The following TFCP2 variants were observed in gnomAD, a reference collection of about 807,000 sequenced individuals.
TFCP2 encodes transcription factor CP2.
A neutral mutation model predicts 73.4 loss-of-function variants in TFCP2; 33 were observed. The observed-to-expected ratio is 0.45, with a 90% CI of 0.34 to 0.60. The LOEUF is 0.60. Ranked by LOEUF, TFCP2 falls within the 20% of genes least tolerant of loss-of-function variation. The pLI, the probability that TFCP2 is intolerant of heterozygous loss-of-function variation, is 0.01. For synonymous variants in TFCP2, 193 were observed against 211.6 expected (o/e 0.91, Z 0.76); for missense variants, 352 against 604.0 (o/e 0.58, Z 4.37).
intron 1 of TFCP2, among the ~76,000 whole-genome samples, chr12:51,150,980 G>C (rs1055588090): frequency 4.6e-5 from 7 of 152,066 alleles, no homozygotes; most frequent in Admixed American, 3.3e-4. Flanking sequence ...TAAAGCAGAG[G>C]GGGTAAAGAA....
chr12:51,117,991 TAA>T (rs1940572292), intron 2 of TFCP2, among the ~76,000 whole-genome samples: 1 of 152,174 alleles, frequency 6.6e-6, no homozygotes, highest in Non-Finnish European at 1.5e-5. Context: ...AATTGAAACT[TAA>T]AAGAGTTTTA....
chr12:51,161,679 C>A (rs1314040452), intron 1 of TFCP2, among the ~76,000 whole-genome samples: 4 of 127,792 alleles, frequency 3.1e-5, no homozygotes, highest in African/African-American at 6.2e-5. Context: ...GACTCTGTCT[C>A]AAAAAAAATA....
At chr12:51,114,835 G>A (rs986341761) in intron 4 of TFCP2, among the ~76,000 whole-genome samples, 14 of 151,468 alleles carry the variant, frequency 9.2e-5, no homozygotes, top group Admixed American at 5.9e-4. Flanking sequence ...AGGCCGAGGC[G>A]GGCAGATCAA....
In TFCP2 at chr12:51,172,393, G is replaced by C. The variant is rs988012209; in HGVS notation, c.30C>G (p.Ala10=). The C allele has an allele frequency of 2.5e-6, 4 of 1,613,928 alleles. No individual in the cohort carries two copies. Among genetic ancestry groups the C allele is most frequent in the South Asian group, 1.1e-5 (1 of 91,078 alleles). Residue 10 remains alanine, a synonymous_variant, in exon 1 of 15, where the codon GCC becomes GCG. Transcript: ENST00000257915. ...CCAACCCGGATTCAATCACTTCGTC[G>C]GCCAGAGGCAGCTTCAGAGCCCAGG... is the stretch of plus-strand genomic sequence containing the variant. MAWALKLPL[A]DEVIESGLVQ... is the part of the protein sequence containing the mutation.
At position 51,100,625 on chromosome 12, in the gene TFCP2, G is replaced by C. The variant is rs549920514; in HGVS notation, c.1152-846C>G. On this transcript the variant is annotated intron_variant, in intron 11 of 14. Transcript: ENST00000257915. The stretch of plus-strand genomic sequence containing the variant: ...GAGCTCAGGAGTTTGAGACCAGCCA[G>C]GGGAACACGGCAAAACCCCGCCTCT... Among the ~76,000 whole-genome samples the C allele has an allele frequency of 2.8e-3, 423 of 152,220 alleles. 1 individual carries two copies. Among genetic ancestry groups the C allele is most frequent in the African/African-American group, 9.5e-3 (394 of 41,530 alleles).
At chr12:51,148,518 G>A (rs970794181) in intron 1 of TFCP2, among the ~76,000 whole-genome samples, 13 of 151,634 alleles carry the variant, frequency 8.6e-5, no homozygotes, top group African/African-American at 2.9e-4. Flanking sequence ...TAGCCAATAT[G>A]GTGAAACTCC....
intron 1 of TFCP2, among the ~76,000 whole-genome samples, chr12:51,149,651 G>A (rs1222945377): frequency 6.6e-6 from 1 of 152,104 alleles, no homozygotes; most frequent in East Asian, 1.9e-4. Flanking sequence ...CCAGGCCAGA[G>A]TGCAGTGGCA....
chr12:51,097,743 G>A lies in TFCP2; in HGVS notation c.1419+1033C>T, dbSNP rs118152885. Among the ~76,000 whole-genome samples the A allele has an allele frequency of 1.6e-3, 248 of 152,114 alleles. 9 individuals are homozygous for A. In the East Asian group the frequency reaches 0.044, roughly 27 times the overall value. ...ATATGTTATGGTAAGATGGCCAGGCGTGGTGGTTCACATCTGTAATCCCAG... is the reference window on the plus strand; with the variant it reads ...ATATGTTATGGTAAGATGGCCAGGCATGGTGGTTCACATCTGTAATCCCAG... On this transcript the variant is annotated intron_variant, in intron 13 of 14. Coordinates refer to ENST00000257915, the MANE Select transcript of TFCP2 (RefSeq NM_005653.5).
Position 51,099,778 on chromosome 12 carries a change from T to C in TFCP2, c.1153A>G (p.Met385Val). The stretch of plus-strand genomic sequence containing the variant: ...TAAATGGTTAACCTTGGACGCACCA[T>C]CCTAAGGGGAGGAAAAAGGCTAATT... Reference protein sequence around the residue: ...IRLFNALKGRMVRPRLTIYVC... With the variant: ...IRLFNALKGRVVRPRLTIYVC... The change falls in exon 12 of 15, where the codon ATG (methionine) becomes GTG (valine). Residue 385 changes from methionine (M) to valine (V), a missense_variant and splice_region_variant. Physicochemically the swap from Met to Val is conservative, Grantham distance 21. This residue lies in a region of TFCP2 where 194 missense variants were observed against 256.3 expected (regional missense o/e 0.76). Transcript: ENST00000257915. 3 of 1,613,558 alleles carry C rather than the reference T, an allele frequency of 1.9e-6. No individual in the cohort carries two copies. Among genetic ancestry groups the C allele is most frequent in the Non-Finnish European group, 2.5e-6 (3 of 1,179,620 alleles).
At position 51,097,898 on chromosome 12, in the gene TFCP2, A is replaced by C. The variant is rs554793555; in HGVS notation, c.1419+878T>G. Among the ~76,000 whole-genome samples the C allele has an allele frequency of 2.0e-5, 3 of 151,776 alleles. No homozygotes were observed. The East Asian group carries it at 5.9e-4, about 30-fold the overall frequency. On this transcript the variant is annotated intron_variant, in intron 13 of 14. Transcript: ENST00000257915. Reference sequence around the variant, plus strand: ...AGGCATGGTGGTGGGTGCCTGTAATACCAGCTACTTGGGAGGCTGAGGCAG... The same window carrying C: ...AGGCATGGTGGTGGGTGCCTGTAATCCCAGCTACTTGGGAGGCTGAGGCAG...
At chr12:51,120,254 G>C (rs910462162) in intron 1 of TFCP2, among the ~76,000 whole-genome samples, 1 of 150,390 alleles carries the variant, frequency 6.6e-6, no homozygotes, top group Non-Finnish European at 1.5e-5. Flanking sequence ...AAATGTTCAT[G>C]AGTAAGAGAA....
intron 1 of TFCP2, among the ~76,000 whole-genome samples, chr12:51,145,056 C>T (rs576450238): frequency 1.3e-5 from 2 of 152,156 alleles, no homozygotes; most frequent in South Asian, 2.1e-4. Flanking sequence ...CAAAAATTAG[C>T]TGGGCATGGT....
chr12:51,123,410 A>G (rs1306690658), intron 1 of TFCP2, among the ~76,000 whole-genome samples: 1 of 152,216 alleles, frequency 6.6e-6, no homozygotes, highest in African/African-American at 2.4e-5. Context: ...TTATACCAAA[A>G]CAAAAACAAG....
At chr12:51,102,521 T>C (rs1419866444) in intron 10 of TFCP2, among the ~76,000 whole-genome samples, 3 of 151,846 alleles carry the variant, frequency 2.0e-5, no homozygotes, top group Admixed American at 6.6e-5. Flanking sequence ...AGGTCAGGAG[T>C]TCGAGACCAG....
intron 4 of TFCP2, among the ~76,000 whole-genome samples, chr12:51,114,785 C>T (rs1221639591): frequency 6.6e-6 from 1 of 151,636 alleles, no homozygotes; most frequent in African/African-American, 2.4e-5. Flanking sequence ...AGCAACAGGC[C>T]AGGTGTGGTG....
At position 51,095,283 on chromosome 12, in the gene TFCP2, TA is replaced by T. The variant is rs766328281; in HGVS notation, c.1472-6del. The stretch of plus-strand genomic sequence containing the variant: ...GATAGCTATCATTGGTTTCTGCTGT[TA>T]AAAAAAAGAGAGAGAGAGAATCATC... On this transcript the variant is annotated splice_region_variant and splice_polypyrimidine_tract_variant and intron_variant, in intron 14 of 14. Coordinates refer to ENST00000257915, the MANE Select transcript of TFCP2 (RefSeq NM_005653.5). 3.1e-5 allele frequency: 50 copies of T among 1,612,564 alleles called. No individual in the cohort carries two copies. The East Asian group carries it at 6.7e-4, about 22-fold the overall frequency.
intron 1 of TFCP2, among the ~76,000 whole-genome samples, chr12:51,150,741 C>A (rs558899121): frequency 7.2e-5 from 11 of 152,302 alleles, no homozygotes; most frequent in African/African-American, 2.6e-4. Context: ...AGACTTAGGT[C>A]TCAATGAAGA....
At chr12:51,119,407 T>C (rs1006409935) in intron 1 of TFCP2, among the ~76,000 whole-genome samples, 3 of 152,236 alleles carry the variant, frequency 2.0e-5, no homozygotes, top group Non-Finnish European at 4.4e-5. Context: ...TCAGTAGCAA[T>C]GTACAATGAC....
At chr12:51,103,434 G>C (rs552597508) in intron 10 of TFCP2, among the ~76,000 whole-genome samples, 1 of 152,256 alleles carries the variant, frequency 6.6e-6, no homozygotes, top group Non-Finnish European at 1.5e-5. Flanking sequence ...TATGAAATAA[G>C]CATTTTTAAA....
Sources: allele counts gnomAD v4.1 joint callset (sites outside exome capture counted in the v4.1 genomes callset), GRCh38; gene constraint gnomAD v4.1.1; regional missense constraint gnomAD v4.1.1; transcripts MANE v1.5; gene names NCBI Gene and HGNC (gene_info 2026-07-23, HGNC 2026-07-21).